LUZP2: variants seen among roughly 807,000 people sequenced by gnomAD.
LUZP2 encodes the protein leucine zipper protein 2.
LUZP2 carries 52 observed loss-of-function variants against 51.6 expected under a neutral mutation model. The observed-to-expected ratio is 1.01, with a 90% confidence interval of 0.81 to 1.27. The LOEUF (loss-of-function observed/expected upper bound fraction) is 1.27. LUZP2 is among the 50% of genes most tolerant of loss of function. LUZP2 has a pLI of 0.00. For synonymous variants in LUZP2, 154 were observed against 137.3 expected, an observed-to-expected ratio of 1.12 and a Z score of -0.85; for missense variants, 436 against 395.4, an observed-to-expected ratio of 1.10 and a Z score of -0.87.
chr11:24,892,907 C>G lies in LUZP2; in HGVS notation c.397-13084C>G, dbSNP rs554064363. 8.5e-5 allele frequency: 13 copies of G among 152,226 alleles called. No individual in the cohort carries two copies. The South Asian group carries it at 2.5e-3, about 29-fold the overall frequency. 9.4% of individuals were successfully genotyped at this position (152,226 alleles called of 1,614,324 possible). On this transcript the variant is annotated intron_variant, in intron 5 of 11. Coordinates refer to ENST00000336930, the MANE Select transcript of LUZP2 (RefSeq NM_001009909.4). ...GACACTAAATGATGTTTTGCAAATA[C>G]TGAACAGAATGATGTTTGTAAACTT...
chr11:24,981,526 C>T (rs1018144629), intron 8 of LUZP2, among the ~76,000 whole-genome samples: 1 of 151,688 alleles, frequency 6.6e-6, no homozygotes, highest in African/African-American at 2.4e-5. Flanking sequence ...TCTTATCTCA[C>T]CCTGTGACTT....
intron 7 of LUZP2, among the ~76,000 whole-genome samples, chr11:24,923,526 G>T (rs183650522): frequency 1.3e-5 from 2 of 151,940 alleles, no homozygotes; most frequent in African/African-American, 4.8e-5. Context: ...GTGAAACATC[G>T]TCTCTATTAA....
intron 5 of LUZP2, among the ~76,000 whole-genome samples, chr11:24,889,834 A>G (rs756816363): frequency 6.6e-6 from 1 of 152,238 alleles, no homozygotes; most frequent in Non-Finnish European, 1.5e-5. Flanking sequence ...AATTATGGAC[A>G]TACATTATAA....
Position 24,567,262 on chromosome 11 carries a change from G to T in LUZP2, c.62+69957G>T, listed in dbSNP as rs1404498620. 3.3e-5 allele frequency among the ~76,000 whole-genome samples: 5 copies of T among 151,460 alleles called. No homozygotes were observed. In the East Asian group the frequency reaches 9.7e-4, roughly 29 times the overall value. ...TGAAAAAAAAATCAGTAAAGTAAAA[G>T]TTAAATATAAACAGAGATAATACAA... On this transcript the variant is annotated intron_variant, in intron 1 of 11. Transcript: ENST00000336930.
intron 9 of LUZP2, among the ~76,000 whole-genome samples, chr11:24,998,887 T>C (rs537987541): frequency 6.6e-6 from 1 of 152,260 alleles, no homozygotes; most frequent in Non-Finnish European, 1.5e-5. Flanking sequence ...CTAAAAACAG[T>C]TACTTCATAA....
In LUZP2 at chr11:24,813,397, T is replaced by C. The variant is rs375360949; in HGVS notation, c.396+50089T>C. On this transcript the variant is annotated intron_variant, in intron 5 of 11. Transcript: ENST00000336930. ...TCTGCAATCTGTACAGAAAGCATAA[T>C]GACATCTACTTCTGCGGAGGCCTCA... Among the ~76,000 whole-genome samples the C allele has an allele frequency of 2.1e-4, 32 of 152,298 alleles. 1 individual carries two copies. The East Asian group carries it at 4.8e-3, about 23-fold the overall frequency.
At chr11:24,992,332 G>C (rs1250369344) in intron 9 of LUZP2, among the ~76,000 whole-genome samples, 1 of 152,004 alleles carries the variant, frequency 6.6e-6, no homozygotes, top group East Asian at 1.9e-4. Context: ...TTTTGGAAAA[G>C]ATAATTGTGT....
intron 7 of LUZP2, among the ~76,000 whole-genome samples, chr11:24,969,934 A>G (rs1381056787): frequency 6.6e-6 from 1 of 152,042 alleles, no homozygotes; most frequent in African/African-American, 2.4e-5. Context: ...ACACGCATAC[A>G]CTTTCTCTTT....
At chr11:24,589,173 C>T (rs904197505) in intron 1 of LUZP2, among the ~76,000 whole-genome samples, 7 of 152,096 alleles carry the variant, frequency 4.6e-5, no homozygotes, top group African/African-American at 1.7e-4. Context: ...TCTAATCATT[C>T]CTAGATCTCT....
At chr11:25,069,859 A>C (rs1273029710) in intron 10 of LUZP2, among the ~76,000 whole-genome samples, 1 of 151,632 alleles carries the variant, frequency 6.6e-6, no homozygotes, top group Non-Finnish European at 1.5e-5. Flanking sequence ...TGTTGTTAGG[A>C]ACTCTTATGT....
At chr11:24,538,257 A>G (rs1210051334) in intron 1 of LUZP2, among the ~76,000 whole-genome samples, 2 of 151,930 alleles carry the variant, frequency 1.3e-5, no homozygotes, top group African/African-American at 2.4e-5. Context: ...TACTAGATAT[A>G]CACCTGTAAA....
chr11:24,980,110 G>GC (rs1485131721), intron 8 of LUZP2, among the ~76,000 whole-genome samples: 2 of 151,848 alleles, frequency 1.3e-5, no homozygotes, highest in Non-Finnish European at 2.9e-5. Flanking sequence ...AAAGTGTTTG[G>GC]CCTCACAGTC....
At chr11:24,514,914 CT>C (rs1433290928) in intron 1 of LUZP2, among the ~76,000 whole-genome samples, 2 of 152,066 alleles carry the variant, frequency 1.3e-5, no homozygotes, top group African/African-American at 4.8e-5. Flanking sequence ...GGGTAGGAGA[CT>C]TTTTACATGA....
chr11:24,936,234 A>G (rs1481079051), intron 7 of LUZP2, among the ~76,000 whole-genome samples: 1 of 152,208 alleles, frequency 6.6e-6, no homozygotes, highest in African/African-American at 2.4e-5. Flanking sequence ...CCTAAGTGGT[A>G]TAAACTGGGA....
At chr11:24,595,179 C>T (rs12276103) in intron 1 of LUZP2, among the ~76,000 whole-genome samples, 1 of 31,596 alleles carries the variant, frequency 3.2e-5, no homozygotes, top group South Asian at 2.7e-3. Flanking sequence ...CTATTAGATT[C>T]TGAAAAAAAA....
intron 5 of LUZP2, among the ~76,000 whole-genome samples, chr11:24,772,708 C>T (rs1177161617): frequency 6.6e-6 from 1 of 152,140 alleles, no homozygotes; most frequent in Non-Finnish European, 1.5e-5. Context: ...ATTCTGGAGG[C>T]TACAAGTCTG....
intron 1 of LUZP2, among the ~76,000 whole-genome samples, chr11:24,520,607 A>C (rs883002): frequency 6.6e-6 from 1 of 152,190 alleles, no homozygotes; most frequent in African/African-American, 2.4e-5. Flanking sequence ...TGTTTGTGTT[A>C]GTATGTTAAT....
At chr11:24,508,545 C>T (rs1850208993) in intron 1 of LUZP2, among the ~76,000 whole-genome samples, 1 of 152,020 alleles carries the variant, frequency 6.6e-6, no homozygotes, top group South Asian at 2.1e-4. Context: ...TTTTCTACTG[C>T]CTGGCTCCAG....
At chr11:24,989,638 A>G (rs1280387561) in intron 9 of LUZP2, among the ~76,000 whole-genome samples, 1 of 152,040 alleles carries the variant, frequency 6.6e-6, no homozygotes, top group Non-Finnish European at 1.5e-5. Context: ...TCTTTCCTAT[A>G]TCTTTCAGTC....
Sources: gnomAD v4.1 joint callset for allele counts (sites outside exome capture counted in the v4.1 genomes callset) on GRCh38, gnomAD v4.1.1 for gene constraint, MANE v1.5 for transcripts, NCBI Gene and HGNC (gene_info 2026-07-23, HGNC 2026-07-21) for gene names.